The following PXDNL variants were observed in gnomAD, a reference collection of about 807,000 sequenced individuals.
PXDNL encodes the protein peroxidasin like, also known as probable oxidoreductase PXDNL.
Under a neutral mutation model 150.8 loss-of-function variants are expected in PXDNL, and 145 were observed. The ratio of observed to expected loss-of-function variants is 0.96; its 90% CI spans 0.84 to 1.10. The LOEUF is 1.10. Among genes scored for constraint, PXDNL ranks in the 50% least tolerant of loss-of-function variants. PXDNL has a pLI of 0.00. For synonymous variants in PXDNL, 757 were observed against 725.7 expected (o/e 1.04, Z -0.69); for missense variants, 2,087 against 1,873.9 (o/e 1.11, Z -2.10).
At chr8:51,580,017 T>A (rs1245248999) in intron 3 of PXDNL, among the ~76,000 whole-genome samples, 1 of 122,744 alleles carries the variant, frequency 8.1e-6, no homozygotes, top group Non-Finnish European at 1.6e-5. Context: ...ATAATAAAAT[T>A]AAATAAATAA....
At chr8:51,422,270 C>A (rs1039620660) in intron 14 of PXDNL, among the ~76,000 whole-genome samples, 2 of 152,066 alleles carry the variant, frequency 1.3e-5, no homozygotes, top group African/African-American at 4.8e-5. Flanking sequence ...ATATAAAGTG[C>A]ACAATAAATG....
chr8:51,806,602 A>T (rs939490210), intron 1 of PXDNL, among the ~76,000 whole-genome samples: 1 of 152,180 alleles, frequency 6.6e-6, no homozygotes, highest in African/African-American at 2.4e-5. Context: ...CCATTTCTCT[A>T]CTAGAAGTCA....
chr8:51,404,169 A>G (rs1298082737), intron 17 of PXDNL, among the ~76,000 whole-genome samples: 1 of 152,236 alleles, frequency 6.6e-6, no homozygotes, highest in Non-Finnish European at 1.5e-5. Context: ...GTGTGAACCC[A>G]AAGAGTAAGC....
At chr8:51,661,486 T>C (rs1321113953) in intron 1 of PXDNL, among the ~76,000 whole-genome samples, 2 of 152,170 alleles carry the variant, frequency 1.3e-5, no homozygotes, top group Non-Finnish European at 2.9e-5. Flanking sequence ...TTGGGCCTCA[T>C]CCAGTCAGTT....
intron 1 of PXDNL, among the ~76,000 whole-genome samples, chr8:51,734,285 A>G (rs1267950649): frequency 6.6e-6 from 1 of 152,238 alleles, no homozygotes; most frequent in African/African-American, 2.4e-5. Context: ...TAAATTATAC[A>G]CTGAGAATAA....
intron 1 of PXDNL, among the ~76,000 whole-genome samples, chr8:51,683,761 A>T (rs1193632271): frequency 6.6e-6 from 1 of 152,192 alleles, no homozygotes; most frequent in Non-Finnish European, 1.5e-5. Flanking sequence ...GAGTTTTAGC[A>T]GGACTATAAG....
At chr8:51,583,939 C>A (rs13263836) in intron 3 of PXDNL, among the ~76,000 whole-genome samples, 2 of 152,124 alleles carry the variant, frequency 1.3e-5, no homozygotes, top group Non-Finnish European at 2.9e-5. Flanking sequence ...TATAGGAAGG[C>A]TGGATGAGTC....
intron 4 of PXDNL, among the ~76,000 whole-genome samples, chr8:51,533,713 C>A (rs1563453318): frequency 6.6e-6 from 1 of 151,158 alleles, no homozygotes; most frequent in Non-Finnish European, 1.5e-5. Context: ...TCTCCAGCTC[C>A]TAACCGCGAG....
intron 2 of PXDNL, among the ~76,000 whole-genome samples, chr8:51,598,406 T>A (rs1813620551): frequency 1.3e-5 from 2 of 152,196 alleles, no homozygotes; most frequent in South Asian, 4.1e-4. Flanking sequence ...GTAGATTCCT[T>A]TAATGCCTTG....
chr8:51,597,614 G>A (rs1485524685), intron 2 of PXDNL, among the ~76,000 whole-genome samples: 1 of 151,056 alleles, frequency 6.6e-6, no homozygotes, highest in South Asian at 2.1e-4. Flanking sequence ...CCTTGTAGAG[G>A]TCTTTCACTT....
chr8:51,463,196 A>T (rs1810122960), intron 8 of PXDNL, among the ~76,000 whole-genome samples: 1 of 152,218 alleles, frequency 6.6e-6, no homozygotes, highest in Non-Finnish European at 1.5e-5. Flanking sequence ...TACATACCCC[A>T]TAGATAGACC....
At chr8:51,320,750 T>G (rs2304552) in intron 22 of PXDNL, 34 bp downstream of exon 22, 396,230 of 1,481,350 alleles carry the variant, frequency 0.27, 57,560 homozygotes, top group African/African-American at 0.56. Flanking sequence ...AGAAGTGAAA[T>G]GGGGAGTTGG....
intron 21 of PXDNL, among the ~76,000 whole-genome samples, chr8:51,334,429 A>G (rs552776046): frequency 2.2e-4 from 33 of 152,250 alleles, no homozygotes; most frequent in African/African-American, 6.0e-4. Flanking sequence ...ATAAGAACAA[A>G]CCAAACCCAA....
In PXDNL at chr8:51,493,966, G is replaced by A. The variant is rs528125911; in HGVS notation, c.452+5733C>T. Among the ~76,000 whole-genome samples the A allele has an allele frequency of 9.2e-5, 14 of 152,182 alleles. No individual in the cohort carries two copies. In the South Asian group the frequency reaches 2.9e-3, roughly 32 times the overall value. On this transcript the variant is annotated intron_variant, in intron 5 of 22. Transcript: ENST00000356297. ...TACTCCTCAAGAAGAGTAACTCCAA[G>A]ACACATAATTGTCAGATTCACCAAA...
chr8:51,783,483 A>G (rs1166185483), intron 1 of PXDNL, among the ~76,000 whole-genome samples: 1 of 152,224 alleles, frequency 6.6e-6, no homozygotes, highest in Non-Finnish European at 1.5e-5. Flanking sequence ...TGGAATGTTC[A>G]CATCCCTTTA....
rs137919957 is a variant in PXDNL, at chr8:51,727,290, T to C, written c.165-72530A>G. ...TTTTGCTTTTAATCTATAGTATCAT[T>C]TTACAATTACATACACTCAAATCAA... is the stretch of plus-strand genomic sequence containing the variant. On this transcript the variant is annotated intron_variant, in intron 1 of 22. Coordinates refer to ENST00000356297, the MANE Select transcript of PXDNL (RefSeq NM_144651.5). Among the ~76,000 whole-genome samples, 113 of 152,298 alleles carry C rather than the reference T, an allele frequency of 7.4e-4. 1 individual carries two copies. In the East Asian group the frequency reaches 0.02, roughly 28 times the overall value.
chr8:51,801,864 C>G (rs1381924547), intron 1 of PXDNL, among the ~76,000 whole-genome samples: 1 of 152,170 alleles, frequency 6.6e-6, no homozygotes, highest in Non-Finnish European at 1.5e-5. Flanking sequence ...AACTGGTAAG[C>G]TGTTGGGAAA....
intron 17 of PXDNL, among the ~76,000 whole-genome samples, chr8:51,398,288 T>C (rs1331168279): frequency 6.6e-6 from 1 of 152,120 alleles, no homozygotes; most frequent in Admixed American, 6.5e-5. Flanking sequence ...GCCATCCCAG[T>C]TCCGGAAAGC....
chr8:51,750,565 G>A lies in PXDNL; in HGVS notation c.164+58616C>T, dbSNP rs149923192. On this transcript the variant is annotated intron_variant, in intron 1 of 22. Transcript: ENST00000356297. ...TACACTGTCCATCATTGACCAAAAC[G>A]TCATTATGTGGTGCATGACTGTATT... Among the ~76,000 whole-genome samples, 13 of 152,270 alleles carry A rather than the reference G, an allele frequency of 8.5e-5. No individual in the cohort carries two copies. In the East Asian group the frequency reaches 1.9e-3, roughly 23 times the overall value.
Sources: allele counts gnomAD v4.1 joint callset (sites outside exome capture counted in the v4.1 genomes callset), GRCh38; gene constraint gnomAD v4.1.1; transcripts MANE v1.5; gene names NCBI Gene and HGNC (gene_info 2026-07-23, HGNC 2026-07-21).